The following TTLL7 variants were observed in gnomAD, a reference collection of about 807,000 sequenced individuals.
The protein encoded by TTLL7 is tubulin tyrosine ligase like 7.
TTLL7 carries 53 observed loss-of-function variants against 120.2 expected under a neutral mutation model. The ratio of observed to expected loss-of-function variants is 0.44; its 90% confidence interval spans 0.35 to 0.55. TTLL7 has a LOEUF of 0.55. TTLL7 is among the 20% of genes least tolerant of loss of function. TTLL7 has a pLI of 0.00. For missense variants in TTLL7, 803 were observed against 1,054.7 expected (o/e 0.76, Z 3.31); for synonymous variants, 353 against 351.7 (o/e 1.00, Z -0.04).
chr1:83,884,876 TAATAA>T (rs1218114066), intron 19 of TTLL7, among the ~76,000 whole-genome samples: 5 of 151,794 alleles, frequency 3.3e-5, no homozygotes, highest in African/African-American at 7.2e-5. Flanking sequence ...AGTATAATAA[TAATAA>T]AATAAAATAA....
intron 1 of TTLL7, among the ~76,000 whole-genome samples, chr1:83,953,398 GT>G (rs773185652): frequency 5.3e-5 from 8 of 152,166 alleles, no homozygotes; most frequent in Non-Finnish European, 1.0e-4. Context: ...AGATTGTCAA[GT>G]TTATCAGAAA....
intron 9 of TTLL7, among the ~76,000 whole-genome samples, chr1:83,932,872 G>A (rs1211325916): frequency 4.6e-5 from 7 of 152,162 alleles, no homozygotes; most frequent in African/African-American, 1.7e-4. Flanking sequence ...AAAGGGAACT[G>A]CTGGATGGGA....
chr1:83,998,762 A>T (rs961229264), intron 1 of TTLL7, among the ~76,000 whole-genome samples, 169 bp downstream of exon 1: 9 of 151,990 alleles, frequency 5.9e-5, no homozygotes, highest in African/African-American at 2.4e-5. Flanking sequence ...GTGCTGAATC[A>T]TTTGCACGAA....
chr1:83,917,141 A>G (rs936301372), intron 14 of TTLL7, among the ~76,000 whole-genome samples: 6 of 151,796 alleles, frequency 4.0e-5, no homozygotes, highest in Non-Finnish European at 8.8e-5. Context: ...TGTCATCTAC[A>G]TGACAGCTTT....
rs571419722 is a variant in TTLL7 at position 83,944,026 on chromosome 1, A to G, written c.507-1347T>C. On this transcript the variant is annotated intron_variant, in intron 6 of 20. Coordinates refer to ENST00000260505, the MANE Select transcript of TTLL7 (RefSeq NM_024686.6). Reference sequence around the variant, plus strand: ...AATAACTGAGATAAAAAAATTCACTAAAGGATATAAACAGTATACTTGACA... The same window carrying G: ...AATAACTGAGATAAAAAAATTCACTGAAGGATATAAACAGTATACTTGACA... Among the ~76,000 whole-genome samples the G allele has an allele frequency of 2.6e-5, 4 of 152,272 alleles. No individual in the cohort carries two copies. In the East Asian group the frequency reaches 5.8e-4, roughly 22 times the overall value.
chr1:83,932,402 T>C (rs994161790), intron 9 of TTLL7, among the ~76,000 whole-genome samples: 1 of 152,122 alleles, frequency 6.6e-6, no homozygotes, highest in Non-Finnish European at 1.5e-5. Flanking sequence ...TGTTTTCATA[T>C]CCAAGGAACG....
intron 19 of TTLL7, 29 bp from the exon 20 acceptor site, chr1:83,883,165 A>G: frequency 6.6e-7 from 1 of 1,508,058 alleles, no homozygotes; most frequent in Non-Finnish European, 8.9e-7. Flanking sequence ...ACATGATCTC[A>G]TGTTGGCTGT....
intron 10 of TTLL7, among the ~76,000 whole-genome samples, chr1:83,925,152 A>G (rs1386172066): frequency 6.6e-6 from 1 of 152,220 alleles, no homozygotes; most frequent in Admixed American, 6.5e-5. Context: ...CAATCTATAT[A>G]TGAATATCAA....
intron 9 of TTLL7, among the ~76,000 whole-genome samples, chr1:83,929,584 T>C (rs1490076794): frequency 6.6e-6 from 1 of 152,126 alleles, no homozygotes; most frequent in Non-Finnish European, 1.5e-5. Context: ...AAAAAGGAAA[T>C]AGTGATATTC....
intron 18 of TTLL7, among the ~76,000 whole-genome samples, chr1:83,903,480 G>C (rs1200603158): frequency 1.3e-5 from 2 of 151,754 alleles, no homozygotes; most frequent in Non-Finnish European, 2.9e-5. Flanking sequence ...GTGAGGACTG[G>C]CGTCAGGACC....
At chr1:83,903,384 C>G (rs1336889183) in intron 18 of TTLL7, among the ~76,000 whole-genome samples, 1 of 151,996 alleles carries the variant, frequency 6.6e-6, no homozygotes, top group Non-Finnish European at 1.5e-5. Flanking sequence ...TCATTTAAGT[C>G]TCTGCTCAAA....
intron 1 of TTLL7, 64 bp downstream of exon 1, chr1:83,998,867 G>GA: frequency 2.9e-6 from 1 of 347,510 alleles, no homozygotes; most frequent in South Asian, 2.1e-5. Flanking sequence ...GGCCAGGGCG[G>GA]AGCCTTTGGG....
At position 83,921,522 on chromosome 1, in the gene TTLL7, C is replaced by T; in HGVS notation, c.1143-128G>A. 1.0e-5 allele frequency: 10 copies of T among 960,906 alleles called. 1 individual carries two copies. In the South Asian group the frequency reaches 1.9e-4, roughly 18 times the overall value. The allele number at this position is 960,906 out of a possible 1,614,324, so 59.5% of individuals were successfully genotyped here. ...TCAATGTTTATTAAACTTATATATT[C>T]ACTTACATTATATTCATCTAACCAT... On this transcript the variant is annotated intron_variant, in intron 10 of 20. Transcript: ENST00000260505.
At chr1:83,890,276 T>C in intron 19 of TTLL7, 45 bp downstream of exon 19, 1 of 1,541,076 alleles carries the variant, frequency 6.5e-7, no homozygotes, top group Middle Eastern at 1.7e-4. Flanking sequence ...AACTAAATAG[T>C]AAAATATTAA....
In TTLL7 at chr1:83,878,833, T is replaced by G. The variant is rs190466350; in HGVS notation, c.2543+4130A>C. Among the ~76,000 whole-genome samples, 349 of 151,990 alleles carry G rather than the reference T, an allele frequency of 2.3e-3. 1 individual carries two copies. Among genetic ancestry groups the G allele is most frequent in the Middle Eastern group, 0.01 (3 of 294 alleles). On this transcript the variant is annotated intron_variant, in intron 20 of 20. Transcript: ENST00000260505. ...GCATATTATTATTTTTTTCTGAGAG[T>G]GCAAAGTTGAAGGCCACTCTCTTCC... is the stretch of plus-strand genomic sequence containing the variant.
chr1:83,887,517 T>C (rs1571060276), intron 19 of TTLL7, among the ~76,000 whole-genome samples: 1 of 151,990 alleles, frequency 6.6e-6, no homozygotes. Flanking sequence ...TAATGCAAAA[T>C]AAAATCCGAT....
rs201276719 is a variant in TTLL7 at position 83,882,927 on chromosome 1, T to A, written c.2543+36A>T. 22 of 1,592,226 alleles carry A rather than the reference T, an allele frequency of 1.4e-5. No homozygotes were observed. The East Asian group carries it at 1.8e-4, about 13-fold the overall frequency. On this transcript the variant is annotated intron_variant, in intron 20 of 20. Transcript: ENST00000260505. ...AACTGTGTTTTAGCATTACTTTACA[T>A]AAAACTCTCAAGGGTTAGAGAATGT...
intron 1 of TTLL7, among the ~76,000 whole-genome samples, chr1:83,959,932 T>C (rs1453431002): frequency 1.3e-5 from 2 of 152,102 alleles, no homozygotes; most frequent in Non-Finnish European, 2.9e-5. Flanking sequence ...TTCTTATAAA[T>C]TATGAAATAA....
chr1:83,994,564 G>A (rs1033182188), intron 1 of TTLL7, among the ~76,000 whole-genome samples: 2 of 152,206 alleles, frequency 1.3e-5, no homozygotes, highest in Non-Finnish European at 2.9e-5. Context: ...AAGGATACTG[G>A]GAACAAGGGG....
Sources: allele counts gnomAD v4.1 joint callset (sites outside exome capture counted in the v4.1 genomes callset), GRCh38; gene constraint gnomAD v4.1.1; transcripts MANE v1.5; gene names NCBI Gene and HGNC (gene_info 2026-07-23, HGNC 2026-07-21).